PRIM2: variants seen among roughly 807,000 people sequenced by gnomAD.
PRIM2 encodes the protein DNA primase subunit 2.
PRIM2 carries 39 observed loss-of-function variants against 67.3 expected under a neutral mutation model. That is an observed-to-expected ratio of 0.58 (90% CI 0.45 to 0.76). PRIM2 has a LOEUF of 0.76. Among genes scored for constraint, PRIM2 ranks in the 30% least tolerant of loss-of-function variants. The probability of loss-of-function intolerance (pLI) is 0.00; values close to 1 mark genes in which losing one functional copy is unlikely to be tolerated. For synonymous variants in PRIM2, 143 were observed against 198.7 expected (o/e 0.72, Z 2.36); for missense variants, 398 against 598.7 (o/e 0.66, Z 3.50).
At chr6:57,269,394 G>A in the PRIM2 span, among the ~76,000 whole-genome samples, 2 of 151,910 alleles carry the variant, frequency 1.3e-5, no homozygotes, top group African/African-American at 2.4e-5. Context: ...GTGATGATGA[G>A]CATTTTTTCA....
chr6:57,247,524 A>C, the PRIM2 span, among the ~76,000 whole-genome samples: 6 of 152,310 alleles, frequency 3.9e-5, no homozygotes, highest in African/African-American at 1.4e-4. Context: ...TATTTTGAGC[A>C]CTAGGTAAAT....
intron 7 of PRIM2, among the ~76,000 whole-genome samples, chr6:57,399,276 T>C (rs1430541040): frequency 6.6e-6 from 1 of 152,118 alleles, no homozygotes; most frequent in Admixed American, 6.6e-5. Flanking sequence ...CACCTATGAG[T>C]GAGAACATGC....
the PRIM2 span, among the ~76,000 whole-genome samples, chr6:57,258,344 A>G: frequency 6.6e-6 from 1 of 151,950 alleles, no homozygotes; most frequent in Non-Finnish European, 1.5e-5. Context: ...TCATCTAGTT[A>G]TGGCTCATCT....
the PRIM2 span, among the ~76,000 whole-genome samples, chr6:57,276,180 G>T: frequency 3.3e-5 from 5 of 152,042 alleles, no homozygotes; most frequent in African/African-American, 1.2e-4. Context: ...AGCTGAGGTT[G>T]GGAGTTCAAG....
intron 8 of PRIM2, among the ~76,000 whole-genome samples, chr6:57,523,844 G>A (rs1219183208): frequency 6.6e-6 from 1 of 152,166 alleles, no homozygotes; most frequent in Non-Finnish European, 1.5e-5. Context: ...GAGTACCTAA[G>A]TGCTCATATT....
intron 5 of PRIM2, among the ~76,000 whole-genome samples, chr6:57,344,159 T>A (rs1768593164): frequency 6.6e-6 from 1 of 151,108 alleles, no homozygotes; most frequent in African/African-American, 2.4e-5. Flanking sequence ...ATAAATTGTT[T>A]TATGTTCCAA....
intron 5 of PRIM2, among the ~76,000 whole-genome samples, chr6:57,372,371 T>C (rs1769593272): frequency 6.6e-6 from 1 of 152,234 alleles, no homozygotes; most frequent in Admixed American, 6.5e-5. Context: ...ATTAATTAGC[T>C]ATAAAACTAG....
At chr6:57,255,700 A>G in the PRIM2 span, among the ~76,000 whole-genome samples, 1 of 152,172 alleles carries the variant, frequency 6.6e-6, no homozygotes, top group Non-Finnish European at 1.5e-5. Context: ...CATAAGCATA[A>G]TACAGAAATT....
intron 13 of PRIM2, among the ~76,000 whole-genome samples, chr6:57,644,754 A>C (rs1472011797): frequency 6.6e-6 from 1 of 152,226 alleles, no homozygotes; most frequent in Non-Finnish European, 1.5e-5. Flanking sequence ...GTTTCCAAAA[A>C]CTTGATAAAT....
the PRIM2 span, among the ~76,000 whole-genome samples, chr6:57,308,286 C>A: frequency 2.6e-5 from 4 of 151,946 alleles, no homozygotes; most frequent in South Asian, 8.3e-4. Context: ...CCATATCTGG[C>A]TAATTTTTGT....
chr6:57,452,512 A>C (rs1330428199), intron 7 of PRIM2, among the ~76,000 whole-genome samples: 5 of 152,046 alleles, frequency 3.3e-5, no homozygotes, highest in African/African-American at 1.2e-4. Flanking sequence ...TGTGGTTTTG[A>C]TTTGCATTTC....
chr6:57,392,831 T>C (rs1770398935), intron 7 of PRIM2, among the ~76,000 whole-genome samples: 1 of 152,100 alleles, frequency 6.6e-6, no homozygotes, highest in South Asian at 2.1e-4. Context: ...TTGTCCATTG[T>C]ATCATTCTTA....
chr6:57,546,892 T>A (rs1198933265), intron 10 of PRIM2, among the ~76,000 whole-genome samples: 2 of 152,188 alleles, frequency 1.3e-5, no homozygotes, highest in Non-Finnish European at 2.9e-5. Flanking sequence ...ATTCTTAAAT[T>A]GTTGAATTTG....
At chr6:57,256,009 G>GCA in the PRIM2 span, among the ~76,000 whole-genome samples, 10 of 133,596 alleles carry the variant, frequency 7.5e-5, no homozygotes, top group Non-Finnish European at 1.4e-4. Context: ...ATTTAGACAC[G>GCA]CACACACACA....
chr6:57,505,898 C>T, intron 7 of PRIM2, among the ~76,000 whole-genome samples: 2 of 152,110 alleles, frequency 1.3e-5, no homozygotes, highest in Middle Eastern at 3.4e-3. Context: ...AGAGAACTGA[C>T]TTTTGAAATG....
intron 7 of PRIM2, among the ~76,000 whole-genome samples, chr6:57,408,340 G>A (rs1362776026): frequency 6.6e-6 from 1 of 152,184 alleles, no homozygotes; most frequent in Non-Finnish European, 1.5e-5. Context: ...CCCCAGTGTG[G>A]TGGAAACCTG....
At chr6:57,584,562 A>G (rs1175629108) in intron 10 of PRIM2, among the ~76,000 whole-genome samples, 26 of 152,222 alleles carry the variant, frequency 1.7e-4, no homozygotes, top group Admixed American at 9.8e-4. Flanking sequence ...TCTGTATACT[A>G]TGGAGTCCAG....
At chr6:57,264,005 T>C in the PRIM2 span, among the ~76,000 whole-genome samples, 3 of 152,154 alleles carry the variant, frequency 2.0e-5, no homozygotes, top group Non-Finnish European at 2.9e-5. Context: ...AACTCCTTGG[T>C]TGATTTATTT....
chr6:57,382,033 C>A lies in PRIM2; in HGVS notation c.558C>A (p.Ile186=), dbSNP rs570326957. The stretch of plus-strand genomic sequence containing the variant: ...TGCCTGTTTTACTCTTAATTCAGAT[C>A]CCTTTTGCTGATGCTCTGGATTTGT... ...LKLGFESIYK[I]PFADALDLFR... is the part of the protein sequence containing the mutation. The change falls in exon 7 of 14, where the codon ATC becomes ATA. Residue 186 remains isoleucine (I), a splice_region_variant and synonymous_variant. Coordinates refer to ENST00000615550, the MANE Select transcript of PRIM2 (RefSeq NM_000947.5). The A allele has an allele frequency of 5.0e-6, 8 of 1,608,336 alleles. No individual in the cohort carries two copies. The East Asian group carries it at 1.8e-4, about 36-fold the overall frequency.
Sources: allele counts gnomAD v4.1 joint callset (sites outside exome capture counted in the v4.1 genomes callset), GRCh38; gene constraint gnomAD v4.1.1; transcripts MANE v1.5; gene names NCBI Gene and HGNC (gene_info 2026-07-23, HGNC 2026-07-21).